CENPQ: variants seen among roughly 807,000 people sequenced by gnomAD.
CENPQ encodes the protein chromosome 6 open reading frame 139.
CENPQ carries 27 observed loss-of-function variants against 36.6 expected under a neutral mutation model. That is an observed-to-expected ratio of 0.74 (90% CI 0.54 to 1.02). CENPQ has a LOEUF of 1.02. CENPQ is among the 50% of genes least tolerant of loss of function. CENPQ has a pLI of 0.00. For missense variants in CENPQ, 306 were observed against 301.8 expected (o/e 1.01, Z -0.10); for synonymous variants, 101 against 101.7 (o/e 0.99, Z 0.04).
intron 1 of CENPQ, among the ~76,000 whole-genome samples, chr6:49,467,452 A>G (rs1424284237): frequency 4.6e-5 from 7 of 152,190 alleles, no homozygotes; most frequent in African/African-American, 1.7e-4. Flanking sequence ...AAGTTTCTGT[A>G]TGTTTTGCTC....
In CENPQ at chr6:49,472,189, T is replaced by C. The variant is rs773511004; in HGVS notation, c.278+6T>C. On this transcript the variant is annotated splice_donor_region_variant and intron_variant, in intron 4 of 8. Coordinates refer to ENST00000335783, the MANE Select transcript of CENPQ (RefSeq NM_018132.4). ...ATGATGGAATCAGTAATAATGTGAG[T>C]ATAAAATTGTTCCATTTCATTCTTT... The C allele has an allele frequency of 2.5e-6, 4 of 1,590,288 alleles. No homozygotes were observed. The highest frequency in any genetic ancestry group is 1.7e-4 in the Middle Eastern group (1 of 5,984).
intron 1 of CENPQ, among the ~76,000 whole-genome samples, chr6:49,466,792 A>G (rs1768010824): frequency 6.6e-6 from 1 of 152,218 alleles, no homozygotes; most frequent in Admixed American, 6.5e-5. Context: ...TAATGTTAGT[A>G]CTTTTATTAA....
At chr6:49,473,623 AATAACCAGCTAAT>A (rs1768198935) in intron 5 of CENPQ, among the ~76,000 whole-genome samples, 1 of 152,210 alleles carries the variant, frequency 6.6e-6, no homozygotes, top group South Asian at 2.1e-4. Context: ...TAACGAGCAA[AATAACCAGCTAAT>A]ATCATAATGA....
chr6:49,463,563 G>A (rs1429879140), intron 1 of CENPQ, 110 bp downstream of exon 1: 3 of 152,226 alleles, frequency 2.0e-5, no homozygotes, highest in Non-Finnish European at 4.4e-5. Flanking sequence ...GATAGCGAGG[G>A]GGGATTGCTT....
intron 5 of CENPQ, among the ~76,000 whole-genome samples, chr6:49,474,767 G>T (rs561795659): frequency 6.6e-6 from 1 of 151,912 alleles, no homozygotes. Context: ...CCACTAGCAA[G>T]ACTAATAAGA....
rs1768744433 is a variant in CENPQ, at chr6:49,492,385, A to G, written c.*110A>G. ...GGCTAAGGCTTCTGCAGGATTTATT[A>G]TCTCCTGATATGCACTTTAAAATTA... is the stretch of plus-strand genomic sequence containing the variant. On this transcript the variant is annotated 3_prime_UTR_variant, in exon 9 of 9. Coordinates refer to ENST00000335783, the MANE Select transcript of CENPQ (RefSeq NM_018132.4). 1 of 871,680 alleles carries G rather than the reference A, an allele frequency of 1.1e-6. No homozygotes were observed. The allele number at this position is 871,680 out of a possible 1,614,324, so 54.0% of individuals were successfully genotyped here.
At position 49,473,949 on chromosome 6, in the gene CENPQ, A is replaced by C. The variant is rs897225967; in HGVS notation, c.347+1091A>C. ...ACCGTTAATAATAGTAAAGGGATCA[A>C]TTCAACAAGAAGAGCTAACTATCCT... On this transcript the variant is annotated intron_variant, in intron 5 of 8. Coordinates refer to ENST00000335783, the MANE Select transcript of CENPQ (RefSeq NM_018132.4). Among the ~76,000 whole-genome samples, 5 of 152,136 alleles carry C rather than the reference A, an allele frequency of 3.3e-5. No homozygotes were observed. The South Asian group carries it at 1.0e-3, about 32-fold the overall frequency.
At chr6:49,489,114 GT>G in intron 8 of CENPQ, among the ~76,000 whole-genome samples, 2 of 152,260 alleles carry the variant, frequency 1.3e-5, no homozygotes, top group East Asian at 3.9e-4. Flanking sequence ...TTTCACGAAA[GT>G]TTTCCCTGTA....
At chr6:49,466,401 G>GT (rs1768000554) in intron 1 of CENPQ, among the ~76,000 whole-genome samples, 1 of 152,166 alleles carries the variant, frequency 6.6e-6, no homozygotes, top group Non-Finnish European at 1.5e-5. Context: ...CCTTTAGTTT[G>GT]TAAGACAACA....
chr6:49,488,472 G>T lies in CENPQ; in HGVS notation c.597+1G>T. On this transcript the variant is annotated splice_donor_variant, in intron 7 of 8. Transcript: ENST00000335783. LOFTEE classifies it high-confidence loss of function. Reference sequence around the variant, plus strand: ...AGAAGAAGAGGAGAGAGTAAAACAGGTAATTATTTTAAACTGTATTATTGG... The same window carrying T: ...AGAAGAAGAGGAGAGAGTAAAACAGTTAATTATTTTAAACTGTATTATTGG... 1 of 1,610,962 alleles carries T rather than the reference G, an allele frequency of 6.2e-7. No homozygotes were observed. The highest frequency in any genetic ancestry group is 8.5e-7 in the Non-Finnish European group (1 of 1,178,528).
intron 8 of CENPQ, among the ~76,000 whole-genome samples, chr6:49,491,005 G>T (rs1768709137): frequency 6.6e-6 from 1 of 152,166 alleles, no homozygotes; most frequent in African/African-American, 2.4e-5. Flanking sequence ...GTGATGTAGA[G>T]ATACAAAGTG....
chr6:49,490,950 C>A (rs1400904691), intron 8 of CENPQ, among the ~76,000 whole-genome samples: 1 of 151,996 alleles, frequency 6.6e-6, no homozygotes, highest in African/African-American at 2.4e-5. Context: ...TAACAGATAC[C>A]GTAATAATTT....
rs1469381507 is a variant in CENPQ, at chr6:49,487,168, A to T, written c.478-1184A>T. 2.4e-4 allele frequency among the ~76,000 whole-genome samples: 17 copies of T among 72,214 alleles called. 3 individuals are homozygous for T. Among genetic ancestry groups the T allele is most frequent in the African/African-American group, 7.9e-4 (17 of 21,398 alleles). 47.4% of individuals were successfully genotyped at this position (72,214 alleles called of 152,430 possible). On this transcript the variant is annotated intron_variant, in intron 6 of 8. Coordinates refer to ENST00000335783, the MANE Select transcript of CENPQ (RefSeq NM_018132.4). The stretch of plus-strand genomic sequence containing the variant: ...AACTCCATCTCAAAAAAAAAAAAAA[A>T]ATAAAAAAAATAAAAACAGAGTCTG...
At chr6:49,488,544 C>T (rs891733540) in intron 7 of CENPQ, 63 bp from the exon 8 acceptor site, 56 of 1,591,076 alleles carry the variant, frequency 3.5e-5, no homozygotes, top group Non-Finnish European at 4.3e-5. Context: ...AGATAACTTT[C>T]GAGTATAATA....
chr6:49,483,930 G>A (rs936728564), intron 6 of CENPQ, among the ~76,000 whole-genome samples: 3 of 152,220 alleles, frequency 2.0e-5, no homozygotes, highest in Admixed American at 1.3e-4. Context: ...CAGAGGAGGC[G>A]CCAGGAGTGA....
chr6:49,478,484 A>G (rs1267912759), intron 5 of CENPQ, among the ~76,000 whole-genome samples: 1 of 152,022 alleles, frequency 6.6e-6, no homozygotes, highest in African/African-American at 2.4e-5. Flanking sequence ...TCTGCTTTTG[A>G]CTAAACGTTA....
intron 6 of CENPQ, among the ~76,000 whole-genome samples, chr6:49,483,875 G>C (rs1768516624): frequency 6.6e-6 from 1 of 152,270 alleles, no homozygotes; most frequent in Non-Finnish European, 1.5e-5. Context: ...CAGTGCAGCA[G>C]TGGGCTGAAG....
At chr6:49,472,249 TC>T in intron 4 of CENPQ, 66 bp downstream of exon 4, 4 of 1,267,796 alleles carry the variant, frequency 3.2e-6, no homozygotes, top group Non-Finnish European at 3.2e-6. Flanking sequence ...TGGATATTAT[TC>T]TTTTAAATAT....
intron 5 of CENPQ, among the ~76,000 whole-genome samples, chr6:49,477,663 AT>A (rs749018941): frequency 2.6e-5 from 4 of 152,026 alleles, no homozygotes; most frequent in Admixed American, 6.6e-5. Context: ...TACAAATTCT[AT>A]TTAGTTTTTC....
Sources: allele counts gnomAD v4.1 joint callset (sites outside exome capture counted in the v4.1 genomes callset), GRCh38; gene constraint gnomAD v4.1.1; transcripts MANE v1.5; gene names NCBI Gene and HGNC (gene_info 2026-07-23, HGNC 2026-07-21).